UBXN7: variants seen among roughly 807,000 people sequenced by gnomAD.
The protein encoded by UBXN7 is UBX domain protein 7.
In UBXN7, 9 loss-of-function variants were observed where a neutral mutation model predicts 58.0. The ratio of observed to expected loss-of-function variants is 0.16; its 90% CI spans 0.09 to 0.27. The LOEUF (loss-of-function observed/expected upper bound fraction) is 0.27. Among genes scored for constraint, UBXN7 ranks in the 10% least tolerant of loss-of-function variants. The probability of loss-of-function intolerance (pLI) is 1.00; values close to 1 mark genes in which losing one functional copy is unlikely to be tolerated. For missense variants in UBXN7, 328 were observed against 599.6 expected (o/e 0.55, Z 4.73); for synonymous variants, 208 against 205.0 (o/e 1.01, Z -0.12).
At chr3:196,415,219 T>G (rs1455607446) in intron 1 of UBXN7, among the ~76,000 whole-genome samples, 3 of 149,496 alleles carry the variant, frequency 2.0e-5, no homozygotes, top group African/African-American at 2.5e-5. Flanking sequence ...GTGGTGCGAA[T>G]CTTGGCTCCC....
At chr3:196,419,942 G>A (rs1730627380) in intron 1 of UBXN7, among the ~76,000 whole-genome samples, 1 of 152,130 alleles carries the variant, frequency 6.6e-6, no homozygotes, top group Non-Finnish European at 1.5e-5. Context: ...CTACCACTGA[G>A]CTACACAGAG....
rs1232332801 is a variant in UBXN7, at chr3:196,359,967, G to A, written c.1308+1877C>T. Among the ~76,000 whole-genome samples the A allele has an allele frequency of 5.3e-5, 8 of 151,366 alleles. No individual in the cohort carries two copies. In the East Asian group the frequency reaches 1.2e-3, roughly 22 times the overall value. On this transcript the variant is annotated intron_variant, in intron 10 of 10. Transcript: ENST00000296328. ...CTGCTGTGCTGCTGAAAAGGAGAAA[G>A]TTTTAGTGGTCTGTACAGAAAAATC...
intron 5 of UBXN7, among the ~76,000 whole-genome samples, chr3:196,387,388 C>T (rs1729437282): frequency 6.6e-6 from 1 of 152,222 alleles, no homozygotes; most frequent in African/African-American, 2.4e-5. Context: ...GCAAAGACTT[C>T]ACAACTAAAA....
In UBXN7 at chr3:196,354,686, G is replaced by A. The variant is rs971716926; in HGVS notation, c.*1999C>T. On this transcript the variant is annotated 3_prime_UTR_variant, in exon 11 of 11. Coordinates refer to ENST00000296328, the MANE Select transcript of UBXN7 (RefSeq NM_015562.2). ...TATCCAAGTTCAGAGATGCAACTGA[G>A]GAATTAACATGAAAACCATCTTTCA... The A allele has an allele frequency of 4.6e-5, 7 of 152,088 alleles. No homozygotes were observed. Among genetic ancestry groups the A allele is most frequent in the African/African-American group, 1.4e-4 (6 of 41,410 alleles). The allele number at this position is 152,088 out of a possible 1,614,324, so 9.4% of individuals were successfully genotyped here. A position where few individuals can be genotyped will look rare whatever the true frequency, so the allele number is the denominator to read the frequency against.
intron 2 of UBXN7, among the ~76,000 whole-genome samples, chr3:196,406,020 G>T (rs1560237707): frequency 6.6e-6 from 1 of 150,642 alleles, no homozygotes; most frequent in African/African-American, 2.4e-5. Context: ...GGTTTTTTGT[G>T]TTTTTTTTGT....
intron 4 of UBXN7, 46 bp from the exon 5 acceptor site, chr3:196,391,971 TCA>T (rs746117327): frequency 8.9e-6 from 4 of 448,018 alleles, no homozygotes; most frequent in African/African-American, 2.9e-5. Context: ...TAATCATGAA[TCA>T]CACTGAAAAA....
intron 1 of UBXN7, among the ~76,000 whole-genome samples, chr3:196,415,046 A>G (rs1188079177): frequency 1.3e-5 from 2 of 152,116 alleles, no homozygotes; most frequent in African/African-American, 4.8e-5. Context: ...CAATTTCAAG[A>G]CACATATGCT....
intron 1 of UBXN7, among the ~76,000 whole-genome samples, chr3:196,417,296 A>G (rs561344436): frequency 6.6e-6 from 1 of 152,346 alleles, no homozygotes; most frequent in South Asian, 2.1e-4. Flanking sequence ...TGGGAGACAG[A>G]GCGAGACTCC....
At chr3:196,372,708 A>G (rs1348756905) in intron 5 of UBXN7, among the ~76,000 whole-genome samples, 1 of 151,918 alleles carries the variant, frequency 6.6e-6, no homozygotes, top group Non-Finnish European at 1.5e-5. Context: ...CTTAAGATCA[A>G]CAAGTCACGT....
chr3:196,391,870 G>A lies in UBXN7; in HGVS notation c.411C>T (p.Thr137=), dbSNP rs1466569621. ...TGGGTGGCCGGAATAGATCTGCAAG[G>A]GTAGTTAATTTCTTATCGATAGCTC... ...NGGAIDKKLT[T]LADLFRPPID... Residue 137 remains threonine, a synonymous_variant, in exon 5 of 11, where the codon ACC becomes ACT. Coordinates refer to ENST00000296328, the MANE Select transcript of UBXN7 (RefSeq NM_015562.2). 1.2e-6 allele frequency: 2 copies of A among 1,612,602 alleles called. No homozygotes were observed. The highest frequency in any genetic ancestry group is 1.1e-5 in the South Asian group (1 of 90,846).
intron 8 of UBXN7, among the ~76,000 whole-genome samples, chr3:196,365,677 T>C (rs1244526581): frequency 1.3e-5 from 2 of 152,160 alleles, no homozygotes; most frequent in Non-Finnish European, 2.9e-5. Context: ...CTACAATCTC[T>C]ACATTCATTC....
At chr3:196,386,079 C>T (rs550987599) in intron 5 of UBXN7, among the ~76,000 whole-genome samples, 1 of 152,120 alleles carries the variant, frequency 6.6e-6, no homozygotes, top group South Asian at 2.1e-4. Context: ...GACCTTACCC[C>T]CAACCCCATG....
intron 8 of UBXN7, among the ~76,000 whole-genome samples, chr3:196,363,118 A>G (rs186354456): frequency 4.8e-4 from 73 of 151,338 alleles, no homozygotes; most frequent in Admixed American, 3.8e-3. Flanking sequence ...ATGGGGTTTC[A>G]CCACATTGGC....
intron 1 of UBXN7, among the ~76,000 whole-genome samples, chr3:196,411,545 C>T (rs1484696122): frequency 6.6e-6 from 1 of 152,220 alleles, no homozygotes; most frequent in African/African-American, 2.4e-5. Context: ...AGCACAGTGG[C>T]TCACATCTGT....
rs765251992 is a variant in UBXN7 at position 196,351,848 on chromosome 3, T to G, written c.*4837A>C. 2 of 152,210 alleles carry G rather than the reference T, an allele frequency of 1.3e-5. No individual in the cohort carries two copies. Among genetic ancestry groups the G allele is most frequent in the African/African-American group, 2.4e-5 (1 of 41,458 alleles). 9.4% of individuals were successfully genotyped at this position (152,210 alleles called of 1,614,324 possible). On this transcript the variant is annotated 3_prime_UTR_variant, in exon 11 of 11. Transcript: ENST00000296328. ...TTAAATCTTTCCTTCATTTTTCGGTTGCTAGTGGCTCCCTCTGGTATTTTC... is the reference window on the plus strand; with the variant it reads ...TTAAATCTTTCCTTCATTTTTCGGTGGCTAGTGGCTCCCTCTGGTATTTTC...
chr3:196,397,846 C>A (rs1353139039), intron 3 of UBXN7: 1 of 152,184 alleles, frequency 6.6e-6, no homozygotes, highest in Non-Finnish European at 1.5e-5. Context: ...CAATACTTAA[C>A]CAATGGTAGT....
intron 1 of UBXN7, among the ~76,000 whole-genome samples, chr3:196,413,862 C>A (rs1474986297): frequency 1.3e-5 from 2 of 152,070 alleles, no homozygotes; most frequent in African/African-American, 4.8e-5. Context: ...TACTTTAAAT[C>A]ATCTCTAGAT....
At chr3:196,398,682 G>A (rs2108849715) in intron 3 of UBXN7, among the ~76,000 whole-genome samples, 1 of 152,334 alleles carries the variant, frequency 6.6e-6, no homozygotes, top group African/African-American at 2.4e-5. Flanking sequence ...TCAGTAGGCT[G>A]AAGTGCAGTG....
intron 3 of UBXN7, among the ~76,000 whole-genome samples, chr3:196,401,654 C>T (rs1247877645): frequency 1.4e-5 from 2 of 147,668 alleles, no homozygotes; most frequent in Non-Finnish European, 3.0e-5. Context: ...ATAAGCCAGG[C>T]GTGGTGGCTC....
Sources: gnomAD v4.1 joint callset for allele counts (sites outside exome capture counted in the v4.1 genomes callset) on GRCh38, gnomAD v4.1.1 for gene constraint, MANE v1.5 for transcripts, NCBI Gene and HGNC (gene_info 2026-07-23, HGNC 2026-07-21) for gene names.